PANX3: variants seen among roughly 807,000 people sequenced by gnomAD.
The protein encoded by PANX3 is pannexin 3, also known as pannexin-3.
PANX3 carries 18 observed loss-of-function variants against 31.5 expected under a neutral mutation model. That is an observed-to-expected ratio of 0.57 (90% CI 0.39 to 0.85). PANX3 has a LOEUF of 0.85. PANX3 is among the 40% of genes least tolerant of loss of function. The pLI is 0.00. For missense variants in PANX3, 426 were observed against 485.4 expected (o/e 0.88, Z 1.15); for synonymous variants, 194 against 201.6 (o/e 0.96, Z 0.32).
At position 124,611,483 on chromosome 11, in the gene PANX3, G is replaced by A. The variant is rs1863088487; in HGVS notation, c.-74G>A. On this transcript the variant is annotated 5_prime_UTR_variant, in exon 1 of 4. Transcript: ENST00000284288. ...ACTGTCTGCCCAAAGTCAGCTGCCT[G>A]AAGCTGCCGTCTCCTCATTCCACCA... is the stretch of plus-strand genomic sequence containing the variant. The A allele has an allele frequency of 1.4e-6, 2 of 1,443,776 alleles. No homozygotes were observed. Among genetic ancestry groups the A allele is most frequent in the African/African-American group, 1.4e-5 (1 of 70,894 alleles). The allele number at this position is 1,443,776 out of a possible 1,614,324, so 89.4% of individuals were successfully genotyped here. A position where few individuals can be genotyped will look rare whatever the true frequency, so the allele number is the denominator to read the frequency against.
Position 124,617,395 on chromosome 11 carries a change from A to C in PANX3, c.446A>C (p.Lys149Thr), listed in dbSNP as rs150744597. ...CTGTTCATCATCAGCGAACTGGACA[A>C]ATCTTATAATCGCTCCATCCGCCTC... ...DLLFIISELD[K>T]SYNRSIRLVQ... Residue 149 changes from lysine (K) to threonine (T), a missense_variant, in exon 3 of 4, where the codon AAA (lysine) becomes ACA (threonine). Physicochemically the swap from Lys to Thr is moderately conservative, Grantham distance 78 (BLOSUM62 -1). Transcript: ENST00000284288. The C allele has an allele frequency of 2.0e-3, 3,227 of 1,614,158 alleles. 5 individuals carry two copies. The highest frequency in any genetic ancestry group is 2.6e-3 in the Non-Finnish European group (3,031 of 1,180,048).
chr11:124,611,662 C>T lies in PANX3; in HGVS notation c.106C>T (p.Arg36Trp), dbSNP rs765923189. The T allele has an allele frequency of 5.6e-6, 9 of 1,614,062 alleles. No individual in the cohort carries two copies. The highest frequency in any genetic ancestry group is 4.5e-5 in the East Asian group (2 of 44,884). Residue 36 changes from arginine (R) to tryptophan (W), a missense_variant, in exon 1 of 4, where the codon CGG (arginine) becomes TGG (tryptophan). By Grantham distance (101) the Arg-to-Trp change is moderately radical. Coordinates refer to ENST00000284288, the MANE Select transcript of PANX3 (RefSeq NM_052959.3). Reference protein sequence around the residue: ...KGLRLELPLDRIVKFVAVGSP... With the variant: ...KGLRLELPLDWIVKFVAVGSP... ...ACTGCGTCTGGAACTGCCCCTGGAC[C>T]GGATAGTCAAGTTCGTAGCTGTGGG...
rs1430499939 is a variant in PANX3, at chr11:124,619,796, G to C, written c.1040G>C (p.Ser347Thr). ...ISELISFSWL[S>T]VLCVLKDTTT... ...GAGCTCATCTCTTTTAGCTGGCTGAGTGTCTTATGTGTGTTGAAGGATACA... is the reference window on the plus strand; with the variant it reads ...GAGCTCATCTCTTTTAGCTGGCTGACTGTCTTATGTGTGTTGAAGGATACA... The change falls in exon 4 of 4, where the codon AGT (serine) becomes ACT (threonine). Residue 347 changes from serine to threonine, a missense_variant. Ser to Thr is a moderately conservative substitution (Grantham distance 58). Coordinates refer to ENST00000284288, the MANE Select transcript of PANX3 (RefSeq NM_052959.3). 6.2e-7 allele frequency: 1 copy of C among 1,614,056 alleles called. No individual in the cohort carries two copies. The highest frequency in any genetic ancestry group is 8.5e-7 in the Non-Finnish European group (1 of 1,180,026).
Position 124,619,591 on chromosome 11 carries a change from A to G in PANX3, c.835A>G (p.Ile279Val). ...FQIVSLSSVA[I>V]YTILVPVIIY... ...GATTGTTAGCCTCTCCAGTGTAGCA[A>G]TATACACCATATTGGTTCCAGTGAT... The change falls in exon 4 of 4, where the codon ATA (isoleucine) becomes GTA (valine). Residue 279 changes from isoleucine (I) to valine (V), a missense_variant. Physicochemically the swap from Ile to Val is conservative, Grantham distance 29. Coordinates refer to ENST00000284288, the MANE Select transcript of PANX3 (RefSeq NM_052959.3). 1.2e-6 allele frequency: 2 copies of G among 1,614,156 alleles called. No individual in the cohort carries two copies. The highest frequency in any genetic ancestry group is 1.7e-6 in the Non-Finnish European group (2 of 1,180,026).
intron 1 of PANX3, among the ~76,000 whole-genome samples, chr11:124,611,949 T>TTA (rs1863097732): frequency 1.0e-5 from 1 of 98,008 alleles, no homozygotes; most frequent in Non-Finnish European, 2.3e-5. Flanking sequence ...AATGTTACAG[T>TTA]AAAAAAAAAA....
At position 124,616,169 on chromosome 11, in the gene PANX3, C is replaced by T. The variant is rs1863151412; in HGVS notation, c.325-1105C>T. Among the ~76,000 whole-genome samples the T allele has an allele frequency of 6.6e-6, 1 of 152,140 alleles. No homozygotes were observed. Among genetic ancestry groups the T allele is most frequent in the Non-Finnish European group, 1.5e-5 (1 of 68,036 alleles). ...TTGCTAGAGCTGCTGAAACCAAGCA[C>T]CACCAACTGGGTGGCTTCAACAATC... On this transcript the variant is annotated intron_variant, in intron 2 of 3. Transcript: ENST00000284288. This position sits in a 1 kb window ranked among gnomAD's most constrained non-coding sequence, Gnocchi z 4.8.
rs143085741 is a variant in PANX3 at position 124,618,415 on chromosome 11, A to G, written c.540-881A>G. On this transcript the variant is annotated intron_variant, in intron 3 of 3. Coordinates refer to ENST00000284288, the MANE Select transcript of PANX3 (RefSeq NM_052959.3). ...ACAGCCACTGTGGTTTGTGTCCACT[A>G]TTTTAGCAACAAACCAAGTGTCATT... is the stretch of plus-strand genomic sequence containing the variant. 1.0e-3 allele frequency among the ~76,000 whole-genome samples: 158 copies of G among 152,272 alleles called. 1 individual carries two copies. In the East Asian group the frequency reaches 0.019, roughly 19 times the overall value.
chr11:124,619,765 A>C lies in PANX3; in HGVS notation c.1009A>C (p.Ile337Leu), dbSNP rs1253545066. The C allele has an allele frequency of 6.2e-7, 1 of 1,614,178 alleles. No individual in the cohort carries two copies. The highest frequency in any genetic ancestry group is 8.5e-7 in the Non-Finnish European group (1 of 1,180,036). Residue 337 changes from isoleucine (I) to leucine (L), a missense_variant, in exon 4 of 4, where the codon ATC becomes CTC. By Grantham distance (5) the Ile-to-Leu change is conservative. Coordinates refer to ENST00000284288, the MANE Select transcript of PANX3 (RefSeq NM_052959.3). ...GATCCTTCTTTTCCTCCGAGCTAAC[A>C]TCTCTGAGCTCATCTCTTTTAGCTG... ...NVILLFLRAN[I>L]SELISFSWLS... is the part of the protein sequence containing the mutation.
Position 124,611,535 on chromosome 11 carries a change from C to T in PANX3, c.-22C>T. 1.3e-6 allele frequency: 2 copies of T among 1,581,962 alleles called. No homozygotes were observed. Among genetic ancestry groups the T allele is most frequent in the Non-Finnish European group, 8.6e-7 (1 of 1,159,358 alleles). ...CCCAGGACCCCTGCTGCCACCTCTG[C>T]ACCCCCAAGCTCAGCAGCATCATGT... is the stretch of plus-strand genomic sequence containing the variant. On this transcript the variant is annotated 5_prime_UTR_variant, in exon 1 of 4. Coordinates refer to ENST00000284288, the MANE Select transcript of PANX3 (RefSeq NM_052959.3).
Position 124,614,498 on chromosome 11 carries a change from C to A in PANX3, c.324+1376C>A, listed in dbSNP as rs532281270. Among the ~76,000 whole-genome samples the A allele has an allele frequency of 2.7e-3, 408 of 152,104 alleles. 1 individual carries two copies. Among genetic ancestry groups the A allele is most frequent in the Non-Finnish European group, 4.1e-3 (282 of 68,014 alleles). On this transcript the variant is annotated intron_variant, in intron 2 of 3. Transcript: ENST00000284288. ...GTCCAGGTTGGTCTCAAACTCCTGA[C>A]CTCAGGTGATCCACCTGCCTCAGCC...
chr11:124,613,123 G>T lies in PANX3; in HGVS notation c.324+1G>T. On this transcript the variant is annotated splice_donor_variant, in intron 2 of 3. Transcript: ENST00000284288. LOFTEE classifies it high-confidence loss of function. ...AATGAAATCTCTCTGGCCCCACAAGGTAAAGCAAACTCTCTGTAAGGCCAG... is the reference window on the plus strand; with the variant it reads ...AATGAAATCTCTCTGGCCCCACAAGTTAAAGCAAACTCTCTGTAAGGCCAG... The T allele has an allele frequency of 6.2e-7, 1 of 1,612,934 alleles. No homozygotes were observed. Among genetic ancestry groups the T allele is most frequent in the Non-Finnish European group, 8.5e-7 (1 of 1,179,822 alleles).
In PANX3 at chr11:124,619,876, G is replaced by A; in HGVS notation, c.1120G>A (p.Gly374Ser). The A allele has an allele frequency of 6.2e-7, 1 of 1,613,788 alleles. No individual in the cohort carries two copies. Among genetic ancestry groups the A allele is most frequent in the Non-Finnish European group, 8.5e-7 (1 of 1,179,910 alleles). Residue 374 changes from glycine (G) to serine (S), a missense_variant, in exon 4 of 4, where the codon GGC becomes AGC. Coordinates refer to ENST00000284288, the MANE Select transcript of PANX3 (RefSeq NM_052959.3). The stretch of plus-strand genomic sequence containing the variant: ...AGTTGATTTTATGACTTTATTGGCT[G>A]GCTTAGAACCCTCAAAACCCAAACA... Reference protein sequence around the residue: ...TVVDFMTLLAGLEPSKPKHLT... With the variant: ...TVVDFMTLLASLEPSKPKHLT...
In PANX3 at chr11:124,617,549, G is replaced by C; in HGVS notation, c.539+61G>C. 2.0e-6 allele frequency: 3 copies of C among 1,526,494 alleles called. 1 individual carries two copies. The South Asian group carries it at 3.4e-5, about 17-fold the overall frequency. The allele number at this position is 1,526,494 out of a possible 1,614,324, so 94.6% of individuals were successfully genotyped here. On this transcript the variant is annotated intron_variant, in intron 3 of 3. Coordinates refer to ENST00000284288, the MANE Select transcript of PANX3 (RefSeq NM_052959.3). ...AGTCAAGCATTAAAATGATAACTTT[G>C]CATAGTCATCTTTAAATGATCTTCC...
intron 3 of PANX3, among the ~76,000 whole-genome samples, chr11:124,618,649 G>A (rs1026262023): frequency 1.0e-3 from 155 of 152,006 alleles, no homozygotes; most frequent in African/African-American, 3.4e-3. Flanking sequence ...TTTTTTTGGA[G>A]TGGGGGGGTG....
intron 3 of PANX3, among the ~76,000 whole-genome samples, 199 bp from the exon 4 acceptor site, chr11:124,619,097 C>T (rs1418201747): frequency 5.3e-5 from 8 of 152,146 alleles, no homozygotes; most frequent in East Asian, 1.9e-4. Flanking sequence ...TATCACATTG[C>T]AGTAAGTACT....
rs1248648466 is a variant in PANX3 at position 124,613,473 on chromosome 11, C to T, written c.324+351C>T. Among the ~76,000 whole-genome samples, 3 of 151,932 alleles carry T rather than the reference C, an allele frequency of 2.0e-5. No homozygotes were observed. The East Asian group carries it at 5.8e-4, about 29-fold the overall frequency. On this transcript the variant is annotated intron_variant, in intron 2 of 3. Transcript: ENST00000284288. ...TCAAACCTTAATTTGTGGGGAGGGG[C>T]GGGGTGCAGTTGGAATTAAGCCAGG...
intron 2 of PANX3, among the ~76,000 whole-genome samples, chr11:124,615,373 G>A (rs532090383): frequency 2.0e-5 from 3 of 152,110 alleles, no homozygotes; most frequent in Non-Finnish European, 2.9e-5. Context: ...GAGCCACTGC[G>A]CCCGGCCCCA....
intron 1 of PANX3, among the ~76,000 whole-genome samples, chr11:124,612,757 A>G (rs1863107387): frequency 6.6e-6 from 1 of 152,208 alleles, no homozygotes; most frequent in Admixed American, 6.5e-5. Flanking sequence ...CACCAGACCC[A>G]AAAGGCTGAG....
In PANX3 at chr11:124,619,715, G is replaced by A; in HGVS notation, c.959G>A (p.Gly320Glu). 1.9e-6 allele frequency: 3 copies of A among 1,614,118 alleles called. No homozygotes were observed. Among genetic ancestry groups the A allele is most frequent in the Non-Finnish European group, 2.5e-6 (3 of 1,180,042 alleles). Residue 320 changes from glycine to glutamate, a missense_variant, in exon 4 of 4, where the codon GGA (glycine) becomes GAA (glutamate). By Grantham distance (98) the Gly-to-Glu change is moderately conservative (BLOSUM62 -2). Coordinates refer to ENST00000284288, the MANE Select transcript of PANX3 (RefSeq NM_052959.3). The stretch of plus-strand genomic sequence containing the variant: ...GATCTCCTCAGCAGAAAGATGCTAG[G>A]ATGTCCCATCAATGACCTCAATGTG... ...AFDLLSRKMLGCPINDLNVIL... is the reference protein window; with the variant it reads ...AFDLLSRKMLECPINDLNVIL...
Sources: allele counts gnomAD v4.1 joint callset (sites outside exome capture counted in the v4.1 genomes callset), GRCh38; gene constraint gnomAD v4.1.1; non-coding constraint Gnocchi (gnomAD v3.1); transcripts MANE v1.5; gene names NCBI Gene and HGNC (gene_info 2026-07-23, HGNC 2026-07-21).